EMB: variants seen among roughly 807,000 people sequenced by gnomAD.
EMB encodes embigin homolog.
In EMB, 31 loss-of-function variants were observed where a neutral mutation model predicts 41.4. The observed-to-expected ratio is 0.75, with a 90% confidence interval of 0.56 to 1.01. The LOEUF (loss-of-function observed/expected upper bound fraction) is 1.01, where lower values mean the gene tolerates loss of function less well. Among genes scored for constraint, EMB ranks in the 50% least tolerant of loss-of-function variants. The pLI, the probability that EMB is intolerant of heterozygous loss-of-function variation, is 0.00. For missense variants in EMB, 379 were observed against 388.3 expected (o/e 0.98, Z 0.20); for synonymous variants, 137 against 140.4 (o/e 0.98, Z 0.17).
chr5:50,402,151 T>C (rs962773791), intron 7 of EMB, 135 bp downstream of exon 7: 2 of 885,066 alleles, frequency 2.3e-6, no homozygotes, highest in Non-Finnish European at 3.6e-6. Context: ...GGAAAGCCAC[T>C]TTCCACCACC....
chr5:50,430,005 TCACACA>T (rs374435204), intron 1 of EMB, among the ~76,000 whole-genome samples: 1 of 140,488 alleles, frequency 7.1e-6, no homozygotes, highest in Non-Finnish European at 1.5e-5. Context: ...TCTCTCTCTC[TCACACA>T]CACACACACA....
At chr5:50,406,231 C>T (rs1745246648) in intron 4 of EMB, among the ~76,000 whole-genome samples, 1 of 151,686 alleles carries the variant, frequency 6.6e-6, no homozygotes, top group Admixed American at 6.6e-5. Flanking sequence ...GTTTTAACCT[C>T]AGGTAGCATT....
In EMB at chr5:50,403,458, A is replaced by G; in HGVS notation, c.601-4T>C. 1 of 1,611,088 alleles carries G rather than the reference A, an allele frequency of 6.2e-7. No homozygotes were observed. Among genetic ancestry groups the G allele is most frequent in the Non-Finnish European group, 8.5e-7 (1 of 1,178,126 alleles). The stretch of plus-strand genomic sequence containing the variant: ...TCATTTGAACACCAACAGGAACCTA[A>G]TATGAGGAGACATTAAAATCCATTC... On this transcript the variant is annotated splice_region_variant and splice_polypyrimidine_tract_variant and intron_variant, in intron 5 of 8. Transcript: ENST00000303221.
Position 50,432,921 on chromosome 5 carries a change from A to G in EMB, c.113-4694T>C, listed in dbSNP as rs1338560609. Among the ~76,000 whole-genome samples the G allele has an allele frequency of 3.9e-5, 6 of 152,112 alleles. No individual in the cohort carries two copies. The South Asian group carries it at 8.3e-4, about 21-fold the overall frequency. ...GTGAAACCCCGTCTCTACTAAAAAT[A>G]CAAAAAATTAGCCAGGCATGGTGGC... On this transcript the variant is annotated intron_variant, in intron 1 of 8. Transcript: ENST00000303221.
intron 2 of EMB, among the ~76,000 whole-genome samples, 197 bp downstream of exon 2, chr5:50,427,947 G>C (rs776843737): frequency 6.6e-6 from 1 of 152,050 alleles, no homozygotes; most frequent in African/African-American, 2.4e-5. Flanking sequence ...GGCATGTCTG[G>C]TATATTTTCC....
intron 2 of EMB, among the ~76,000 whole-genome samples, chr5:50,413,069 C>G (rs368533453): frequency 6.6e-6 from 1 of 152,042 alleles, no homozygotes; most frequent in South Asian, 2.1e-4. Flanking sequence ...CACGCGCCCA[C>G]GCGCACACAC....
At position 50,441,224 on chromosome 5, in the gene EMB, C is replaced by T. The variant is rs937722460; in HGVS notation, c.-73G>A. On this transcript the variant is annotated 5_prime_UTR_variant, in exon 1 of 9. Coordinates refer to ENST00000303221, the MANE Select transcript of EMB (RefSeq NM_198449.3). ...TCGCCGCCGCGGGTGTCCAGAGTCC[C>T]TGCGCACACTCGCAGGTGGCCCGGC... 12 of 925,416 alleles carry T rather than the reference C, an allele frequency of 1.3e-5. No homozygotes were observed. Among genetic ancestry groups the T allele is most frequent in the African/African-American group, 1.7e-5 (1 of 57,814 alleles). The allele number at this position is 925,416 out of a possible 1,614,324, so 57.3% of individuals were successfully genotyped here. A position where few individuals can be genotyped will look rare whatever the true frequency, so the allele number is the denominator to read the frequency against.
At position 50,414,528 on chromosome 5, in the gene EMB, C is replaced by CAAAAAAAAA. The variant is rs34645448; in HGVS notation, c.197-3154_197-3146dup. On this transcript the variant is annotated intron_variant, in intron 2 of 8. Transcript: ENST00000303221. ...TGATAAAGCAGGGCCCTGTCTCAGG[C>CAAAAAAAAA]AAAAAAAAAAAAAAAAAAAAAAAAA... is the stretch of plus-strand genomic sequence containing the variant. 1.5e-4 allele frequency among the ~76,000 whole-genome samples: 7 copies of CAAAAAAAAA among 46,706 alleles called. 1 individual carries two copies. In the South Asian group the frequency reaches 3.3e-3, roughly 22 times the overall value. 30.6% of individuals were successfully genotyped at this position (46,706 alleles called of 152,430 possible).
chr5:50,441,342 C>T, upstream of EMB: 4 of 381,578 alleles, frequency 1.0e-5, no homozygotes, highest in East Asian at 3.8e-5. Flanking sequence ...ACGCTCTTAC[C>T]GCGCCCGGCC....
chr5:50,406,522 A>G (rs757724250), intron 4 of EMB, among the ~76,000 whole-genome samples: 10 of 151,890 alleles, frequency 6.6e-5, no homozygotes, highest in Non-Finnish European at 1.5e-4. Flanking sequence ...ATTTAGAAAA[A>G]AAATAAGTTT....
chr5:50,418,732 C>G (rs1387186390), intron 2 of EMB, among the ~76,000 whole-genome samples: 7 of 152,170 alleles, frequency 4.6e-5, no homozygotes, highest in African/African-American at 1.7e-4. Flanking sequence ...CAGACTCTTC[C>G]AGTAATCCTT....
intron 2 of EMB, among the ~76,000 whole-genome samples, chr5:50,419,917 A>T (rs781216375): frequency 2.6e-5 from 4 of 152,176 alleles, no homozygotes; most frequent in Non-Finnish European, 5.9e-5. Context: ...TCCTCAGCAA[A>T]CTAACACAGG....
At chr5:50,404,086 T>C (rs1361571980) in intron 5 of EMB, among the ~76,000 whole-genome samples, 1 of 151,960 alleles carries the variant, frequency 6.6e-6, no homozygotes, top group Non-Finnish European at 1.5e-5. Flanking sequence ...TGCTGGGTTT[T>C]CCACAGCCTC....
chr5:50,428,263 T>A, intron 1 of EMB, 36 bp from the exon 2 acceptor site: 2 of 1,466,902 alleles, frequency 1.4e-6, no homozygotes, highest in Non-Finnish European at 1.9e-6. Flanking sequence ...CACACTCTTA[T>A]CAAGAGTAAA....
rs768088480 is a variant in EMB, at chr5:50,399,895, A to G, written c.930T>C (p.Asn310=). 3.1e-6 allele frequency: 5 copies of G among 1,604,348 alleles called. No homozygotes were observed. Among genetic ancestry groups the G allele is most frequent in the African/African-American group, 1.3e-5 (1 of 74,382 alleles). Residue 310 remains asparagine (N), a synonymous_variant, in exon 8 of 9, where the codon AAT becomes AAC. Coordinates refer to ENST00000303221, the MANE Select transcript of EMB (RefSeq NM_198449.3). ...QIEQLKSDDS[N]GIENNVPRHR... ...GCCTGGGGACATTATTTTCTATACC[A>G]TTGCTATCATCTGATTTCCTGCACA...
intron 3 of EMB, 81 bp downstream of exon 3, chr5:50,411,116 G>A (rs1238165840): frequency 9.1e-6 from 12 of 1,311,620 alleles, no homozygotes; most frequent in South Asian, 5.9e-5. Context: ...TGGCTGCAGA[G>A]GAAAGAATGC....
At chr5:50,429,132 G>A (rs1010834012) in intron 1 of EMB, among the ~76,000 whole-genome samples, 5 of 152,100 alleles carry the variant, frequency 3.3e-5, no homozygotes, top group Non-Finnish European at 5.9e-5. Context: ...TTAACCTCGT[G>A]ATCCGCCCGC....
chr5:50,409,378 G>A (rs185167284), intron 4 of EMB, among the ~76,000 whole-genome samples: 15 of 151,998 alleles, frequency 9.9e-5, no homozygotes, highest in African/African-American at 3.4e-4. Flanking sequence ...AGAGCACAAT[G>A]TCTTAGAAAA....
At position 50,398,233 on chromosome 5, in the gene EMB, TAC is replaced by T. The variant is rs1745102888; in HGVS notation, c.*1038_*1039del. ...TGATTCAGATTTTATAAGATTTGAT[TAC>T]AGTGAGTTTATAAAATATTTCAGTT... On this transcript the variant is annotated 3_prime_UTR_variant, in exon 9 of 9. Transcript: ENST00000303221. 1 of 151,776 alleles carries T rather than the reference TAC, an allele frequency of 6.6e-6. No homozygotes were observed. The highest frequency in any genetic ancestry group is 1.5e-5 in the Non-Finnish European group (1 of 67,948). 9.4% of individuals were successfully genotyped at this position (151,776 alleles called of 1,614,324 possible). A position where few individuals can be genotyped will look rare whatever the true frequency, so the allele number is the denominator to read the frequency against.
Sources: allele counts gnomAD v4.1 joint callset (sites outside exome capture counted in the v4.1 genomes callset), GRCh38; gene constraint gnomAD v4.1.1; transcripts MANE v1.5; gene names NCBI Gene and HGNC (gene_info 2026-07-23, HGNC 2026-07-21).